Variants in ITGA4 observed in about 807,000 individuals in gnomAD.
ITGA4 encodes the protein integrin subunit alpha 4.
In ITGA4, 63 loss-of-function variants were observed where a neutral mutation model predicts 133.6. That is an observed-to-expected ratio of 0.47 (90% confidence interval 0.38 to 0.58). The LOEUF is 0.58. Among genes scored for constraint, ITGA4 ranks in the 20% least tolerant of loss-of-function variants. The probability of loss-of-function intolerance (pLI) is 0.00; values close to 1 mark genes in which losing one functional copy is unlikely to be tolerated. For synonymous variants in ITGA4, 483 were observed against 438.0 expected (o/e 1.10, Z -1.28); for missense variants, 1,076 against 1,252.7 (o/e 0.86, Z 2.13).
chr2:181,509,356 T>C (rs2105755757), intron 15 of ITGA4, among the ~76,000 whole-genome samples: 1 of 152,058 alleles, frequency 6.6e-6, no homozygotes, highest in South Asian at 2.1e-4. Flanking sequence ...AATATCAAGT[T>C]ATCTTTTAAA....
rs1186443257 is a variant in ITGA4, at chr2:181,535,818, G to C, written c.*291G>C. The C allele has an allele frequency of 4.7e-6, 1 of 214,638 alleles. No homozygotes were observed. Among genetic ancestry groups the C allele is most frequent in the Non-Finnish European group, 9.3e-6 (1 of 107,396 alleles). 13.3% of individuals were successfully genotyped at this position (214,638 alleles called of 1,614,324 possible). ...AAAAGTAAGCCCTTGAAGATATCTT[G>C]AAATGAAAGTATAACTGAGTTAAAT... On this transcript the variant is annotated 3_prime_UTR_variant, in exon 28 of 28. Transcript: ENST00000397033.
chr2:181,463,861 C>T (rs1685348508), intron 2 of ITGA4, among the ~76,000 whole-genome samples: 1 of 152,044 alleles, frequency 6.6e-6, no homozygotes, highest in South Asian at 2.1e-4. Context: ...ATCAAATGGC[C>T]AATGGCAAAT....
At position 181,461,664 on chromosome 2, in the gene ITGA4, T is replaced by A. The variant is rs148749897; in HGVS notation, c.319+3347T>A. Among the ~76,000 whole-genome samples the A allele has an allele frequency of 4.5e-4, 68 of 152,266 alleles. 1 individual carries two copies. The highest frequency in any genetic ancestry group is 1.5e-3 in the African/African-American group (62 of 41,556). On this transcript the variant is annotated intron_variant, in intron 2 of 27. Transcript: ENST00000397033. The stretch of plus-strand genomic sequence containing the variant: ...ATAAAACATAGAAATGATTATCAAA[T>A]TACACTAAAAAGATGGTCTTTATTT...
intron 17 of ITGA4, among the ~76,000 whole-genome samples, chr2:181,519,689 C>G (rs1304551929): frequency 6.6e-6 from 1 of 152,054 alleles, no homozygotes; most frequent in Non-Finnish European, 1.5e-5. Context: ...TTTATCACCA[C>G]CAAAACATTA....
intron 10 of ITGA4, among the ~76,000 whole-genome samples, chr2:181,488,247 G>A (rs1391443753): frequency 3.3e-5 from 5 of 152,094 alleles, no homozygotes; most frequent in Admixed American, 6.5e-5. Context: ...GTGTTCGGTC[G>A]ATGAGACTTA....
Position 181,475,324 on chromosome 2 carries a change from A to G in ITGA4, c.556+36A>G, listed in dbSNP as rs1235216421. 2.6e-6 allele frequency: 4 copies of G among 1,523,694 alleles called. No individual in the cohort carries two copies. The African/African-American group carries it at 4.1e-5, about 16-fold the overall frequency. The allele number at this position is 1,523,694 out of a possible 1,614,324, so 94.4% of individuals were successfully genotyped here. On this transcript the variant is annotated intron_variant, in intron 4 of 27. Transcript: ENST00000397033. Reference sequence around the variant, plus strand: ...ATTTTGATACGAATTAGATAAAGATAAGTAAGTGAATACCTTTTAGTGTTT... The same window carrying G: ...ATTTTGATACGAATTAGATAAAGATGAGTAAGTGAATACCTTTTAGTGTTT...
chr2:181,499,936 T>C (rs1686235401), intron 15 of ITGA4, among the ~76,000 whole-genome samples: 1 of 152,212 alleles, frequency 6.6e-6, no homozygotes, highest in Non-Finnish European at 1.5e-5. Context: ...GTCCTGTGTT[T>C]CTTGGCATCG....
chr2:181,506,093 A>C (rs1686386616), intron 15 of ITGA4, among the ~76,000 whole-genome samples: 1 of 152,086 alleles, frequency 6.6e-6, no homozygotes, highest in African/African-American at 2.4e-5. Flanking sequence ...GTAATCAGGG[A>C]TCTTGAGTAC....
intron 4 of ITGA4, among the ~76,000 whole-genome samples, chr2:181,478,302 A>C (rs934033025): frequency 6.6e-6 from 1 of 152,086 alleles, no homozygotes; most frequent in Non-Finnish European, 1.5e-5. Context: ...TGGAGTTAAT[A>C]ATTGTGCACT....
chr2:181,492,689 A>C (rs1686076344), intron 10 of ITGA4, among the ~76,000 whole-genome samples: 1 of 152,180 alleles, frequency 6.6e-6, no homozygotes, highest in African/African-American at 2.4e-5. Context: ...TCAATAATAC[A>C]GAAAGGTGAT....
At chr2:181,522,022 T>C (rs56136548) in intron 17 of ITGA4, among the ~76,000 whole-genome samples, 169 bp from the exon 18 acceptor site, 31 of 152,146 alleles carry the variant, frequency 2.0e-4, no homozygotes, top group Non-Finnish European at 4.1e-4. Context: ...GAGTTCTTCT[T>C]AATATGGTTT....
intron 22 of ITGA4, among the ~76,000 whole-genome samples, chr2:181,528,327 C>G (rs879612440): frequency 6.6e-6 from 1 of 152,208 alleles, no homozygotes; most frequent in Non-Finnish European, 1.5e-5. Context: ...CCAAGAAATG[C>G]TCTTTAAAAC....
chr2:181,494,632 C>T (rs1319722122), intron 11 of ITGA4, 90 bp from the exon 12 acceptor site: 8 of 764,526 alleles, frequency 1.0e-5, no homozygotes, highest in African/African-American at 3.4e-5. Context: ...CAAGGCATGC[C>T]TGGGAAAGCT....
intron 6 of ITGA4, 121 bp from the exon 7 acceptor site, chr2:181,481,477 C>A (rs1216182243): frequency 1.8e-5 from 7 of 394,200 alleles, no homozygotes; most frequent in African/African-American, 1.5e-4. Flanking sequence ...GCTAAATATT[C>A]TTAACTGCTT....
chr2:181,502,046 A>G (rs1472071128), intron 15 of ITGA4, among the ~76,000 whole-genome samples: 1 of 149,960 alleles, frequency 6.7e-6, no homozygotes, highest in Non-Finnish European at 1.5e-5. Flanking sequence ...AAGAAGGTCC[A>G]ATCAGTAAGA....
intron 17 of ITGA4, among the ~76,000 whole-genome samples, chr2:181,515,250 CTT>C (rs1050988198): frequency 2.3e-4 from 35 of 152,062 alleles, no homozygotes; most frequent in African/African-American, 8.4e-4. Flanking sequence ...TCAGAGAAGA[CTT>C]TTAACTTCTC....
intron 2 of ITGA4, among the ~76,000 whole-genome samples, chr2:181,464,062 T>G (rs2105713891): frequency 6.6e-6 from 1 of 152,040 alleles, no homozygotes; most frequent in South Asian, 2.1e-4. Flanking sequence ...TCATCCATGC[T>G]TGAGAACCGC....
rs1015105633 is a variant in ITGA4, at chr2:181,495,553, G to A, written c.1385+137G>A. The A allele has an allele frequency of 8.0e-6, 6 of 753,112 alleles. No homozygotes were observed. In the South Asian group the frequency reaches 1.0e-4, roughly 13 times the overall value. 46.7% of individuals were successfully genotyped at this position (753,112 alleles called of 1,614,324 possible). Reference sequence around the variant, plus strand: ...TCTGAAGCTTAATTATTGATTTTTAGGGTATTTTTTTCACCTTACAGAGAT... The same window carrying A: ...TCTGAAGCTTAATTATTGATTTTTAAGGTATTTTTTTCACCTTACAGAGAT... On this transcript the variant is annotated intron_variant, in intron 13 of 27. Transcript: ENST00000397033. The surrounding 1 kb of genome is among the most constrained non-coding windows in gnomAD (Gnocchi z 4.3).
intron 14 of ITGA4, 55 bp from the exon 15 acceptor site, chr2:181,498,568 A>G: frequency 9.0e-7 from 1 of 1,107,476 alleles, no homozygotes; most frequent in Non-Finnish European, 1.3e-6. Context: ...CTTCAAAAAT[A>G]ACAATAGATG....
Sources: allele counts gnomAD v4.1 joint callset (sites outside exome capture counted in the v4.1 genomes callset), GRCh38; gene constraint gnomAD v4.1.1; non-coding constraint Gnocchi (gnomAD v3.1); transcripts MANE v1.5; gene names NCBI Gene and HGNC (gene_info 2026-07-23, HGNC 2026-07-21).